PKHD1L1: variants seen among roughly 807,000 people sequenced by gnomAD.
PKHD1L1 encodes fibrocystin-L.
PKHD1L1 carries 434 observed loss-of-function variants against 462.9 expected under a neutral mutation model. The observed-to-expected ratio is 0.94, with a 90% CI of 0.87 to 1.02. PKHD1L1 has a LOEUF of 1.02. Ranked by LOEUF, PKHD1L1 falls within the 50% of genes least tolerant of loss-of-function variation. The pLI, the probability that PKHD1L1 is intolerant of heterozygous loss-of-function variation, is 0.00. For missense variants in PKHD1L1, 5,202 were observed against 5,096.1 expected (o/e 1.02, Z -0.63); for synonymous variants, 1,781 against 1,750.0 (o/e 1.02, Z -0.44).
chr8:109,498,851 G>A, intron 67 of PKHD1L1, 80 bp downstream of exon 67: 8 of 1,222,106 alleles, frequency 6.5e-6, no homozygotes, highest in Non-Finnish European at 5.7e-6. Flanking sequence ...ATGTTTCATT[G>A]TTAGTAAAAA....
intron 62 of PKHD1L1, 30 bp from the exon 63 acceptor site, chr8:109,493,631 C>A: frequency 1.4e-6 from 2 of 1,409,566 alleles, no homozygotes; most frequent in Non-Finnish European, 2.0e-6. Context: ...TAGCCTGATG[C>A]ACAGTATTTT....
Position 109,442,058 on chromosome 8 carries a change from G to A in PKHD1L1, c.4256G>A (p.Gly1419Glu). Residue 1419 changes from glycine (G) to glutamate (E), a missense_variant, in exon 35 of 78, where the codon GGG (glycine) becomes GAG (glutamate). Gly to Glu is a moderately conservative substitution (Grantham distance 98). Transcript: ENST00000378402. ...CCACCAGTCCTAAATGTGTCTGTGG[G>A]GGACACAGTGGCATGGCATTGGCAA... ...WSPPVLNVSVGDTVAWHWQTH... is the reference protein window; with the variant it reads ...WSPPVLNVSVEDTVAWHWQTH... 1 of 1,613,358 alleles carries A rather than the reference G, an allele frequency of 6.2e-7. No individual in the cohort carries two copies. Among genetic ancestry groups the A allele is most frequent in the Non-Finnish European group, 8.5e-7 (1 of 1,179,538 alleles).
At chr8:109,372,738 C>A (rs1037749884) in intron 2 of PKHD1L1, among the ~76,000 whole-genome samples, 4 of 152,066 alleles carry the variant, frequency 2.6e-5, no homozygotes, top group Non-Finnish European at 5.9e-5. Flanking sequence ...TTGTCAAAGG[C>A]CTTTTCTGCA....
In PKHD1L1 at chr8:109,454,799, C is replaced by T. The variant is rs1174174044; in HGVS notation, c.6821C>T (p.Pro2274Leu). Reference sequence around the variant, plus strand: ...GGTCACCTGCGATCTCCTGAGCTCCCTGTCTATGGTGCCAAAACACTGGCT... The same window carrying T: ...GGTCACCTGCGATCTCCTGAGCTCCTTGTCTATGGTGCCAAAACACTGGCT... Reference protein sequence around the residue: ...LHGHLRSPELPVYGAKTLAVR... With the variant: ...LHGHLRSPELLVYGAKTLAVR... Residue 2274 changes from proline (P) to leucine (L), a missense_variant, in exon 45 of 78, where the codon CCT becomes CTT. This residue lies in a region of PKHD1L1 where 4,497 missense variants were observed against 4,336.8 expected (regional missense o/e 1.04). Transcript: ENST00000378402. The T allele has an allele frequency of 6.2e-7, 1 of 1,613,830 alleles. No individual in the cohort carries two copies. The highest frequency in any genetic ancestry group is 8.5e-7 in the Non-Finnish European group (1 of 1,179,800).
chr8:109,522,488 A>C (rs1820601214), intron 74 of PKHD1L1, among the ~76,000 whole-genome samples, 151 bp downstream of exon 74: 3 of 152,212 alleles, frequency 2.0e-5, no homozygotes, highest in Admixed American at 2.0e-4. Context: ...GCTCGCTAAA[A>C]TGATAATAAA....
At chr8:109,457,764 A>G (rs1412040279) in intron 46 of PKHD1L1, among the ~76,000 whole-genome samples, 1 of 152,206 alleles carries the variant, frequency 6.6e-6, no homozygotes, top group Non-Finnish European at 1.5e-5. Context: ...CAACAAAGGA[A>G]GGAAAGATGT....
At position 109,532,693 on chromosome 8, in the gene PKHD1L1, T is replaced by C. The variant is rs552737132; in HGVS notation, c.*2603T>C. 3.5e-4 allele frequency among the ~76,000 whole-genome samples: 54 copies of C among 152,342 alleles called. No individual in the cohort carries two copies. The highest frequency in any genetic ancestry group is 7.1e-4 in the Non-Finnish European group (48 of 68,040). On this transcript the variant is annotated 3_prime_UTR_variant, in exon 78 of 78. Transcript: ENST00000378402. Reference sequence around the variant, plus strand: ...TAAAAAGTTAATAAGAATAGCTTCTTGTATTTCTCATAGTAAGTGAAATGT... The same window carrying C: ...TAAAAAGTTAATAAGAATAGCTTCTCGTATTTCTCATAGTAAGTGAAATGT...
rs1819237284 is a variant in PKHD1L1 at position 109,498,531 on chromosome 8, A to G, written c.10669A>G (p.Ile3557Val). 1 of 1,613,842 alleles carries G rather than the reference A, an allele frequency of 6.2e-7. No homozygotes were observed. The highest frequency in any genetic ancestry group is 8.5e-7 in the Non-Finnish European group (1 of 1,179,704). ...SDVLTNDDPN[I>V]ELTAAHRSPR... Reference sequence around the variant, plus strand: ...TGTCCTAACTAATGATGATCCTAATATTGAACTCACTGCTGCTCATCGGAG... The same window carrying G: ...TGTCCTAACTAATGATGATCCTAATGTTGAACTCACTGCTGCTCATCGGAG... The change falls in exon 66 of 78, where the codon ATT becomes GTT. Residue 3557 changes from isoleucine to valine, a missense_variant. Physicochemically the swap from Ile to Val is conservative, Grantham distance 29. Around this residue, in one of 3 missense-constraint regions of PKHD1L1, gnomAD observed 4,497 missense variants for 4,336.8 expected, o/e 1.04. Transcript: ENST00000378402.
intron 42 of PKHD1L1, 101 bp downstream of exon 42, chr8:109,452,381 A>C (rs1338813070): frequency 3.0e-5 from 33 of 1,106,100 alleles, no homozygotes; most frequent in Non-Finnish European, 4.0e-5. Context: ...GTCTCCAAAA[A>C]AATAACTGAG....
At position 109,500,815 on chromosome 8, in the gene PKHD1L1, A is replaced by T. The variant is rs144003807; in HGVS notation, c.10828+2044A>T. 4.3e-4 allele frequency among the ~76,000 whole-genome samples: 65 copies of T among 152,188 alleles called. No homozygotes were observed. The East Asian group carries it at 0.011, about 26-fold the overall frequency. The stretch of plus-strand genomic sequence containing the variant: ...AGTGCATCCTGCCTTCATTCTATAG[A>T]ATAGGCCTACCTCTGCATGGTGATC... On this transcript the variant is annotated intron_variant, in intron 67 of 77. Coordinates refer to ENST00000378402, the MANE Select transcript of PKHD1L1 (RefSeq NM_177531.6).
intron 68 of PKHD1L1, among the ~76,000 whole-genome samples, chr8:109,506,107 T>C (rs571760187): frequency 4.9e-4 from 75 of 152,268 alleles, no homozygotes; most frequent in African/African-American, 1.8e-3. Flanking sequence ...ATTCAACATA[T>C]AATTTTAGTT....
intron 39 of PKHD1L1, among the ~76,000 whole-genome samples, 168 bp downstream of exon 39, chr8:109,448,559 T>C (rs1213816151): frequency 3.3e-5 from 5 of 151,496 alleles, no homozygotes; most frequent in Non-Finnish European, 7.4e-5. Flanking sequence ...TCGCCCAGGC[T>C]GGAGTGCAGT....
chr8:109,404,674 A>G lies in PKHD1L1; in HGVS notation c.1494A>G (p.Gln498=). ...CAGGAGATGCAGTGAATGAAGAACA[A>G]GTTATCAAATCCCAGTCGACAATCC... The part of the protein sequence containing the change: ...QQTGDAVNEE[Q]VIKSQSTILQ... The change falls in exon 15 of 78, where the codon CAA becomes CAG. Residue 498 remains glutamine, a synonymous_variant. Transcript: ENST00000378402. 1 of 1,608,174 alleles carries G rather than the reference A, an allele frequency of 6.2e-7. No homozygotes were observed. The highest frequency in any genetic ancestry group is 8.5e-7 in the Non-Finnish European group (1 of 1,176,974).
chr8:109,430,826 A>G (rs1286220128), intron 27 of PKHD1L1, among the ~76,000 whole-genome samples: 2 of 152,196 alleles, frequency 1.3e-5, no homozygotes, highest in African/African-American at 2.4e-5. Flanking sequence ...GACTTTTTAA[A>G]ATAGTGATGA....
rs1818194751 is a variant in PKHD1L1, at chr8:109,480,027, T to C, written c.9215T>C (p.Met3072Thr). Residue 3072 changes from methionine to threonine, a missense_variant, in exon 55 of 78, where the codon ATG becomes ACG. Coordinates refer to ENST00000378402, the MANE Select transcript of PKHD1L1 (RefSeq NM_177531.6). The part of the protein sequence containing the change: ...WIVADIDMPS[M>T]ERLIIWGVLE... ...GTAGCTGACATAGATATGCCATCAA[T>C]GGAAAGACTCATTATTTGGGGGGTT... is the stretch of plus-strand genomic sequence containing the variant. 6.3e-7 allele frequency: 1 copy of C among 1,594,310 alleles called. No individual in the cohort carries two copies. Among genetic ancestry groups the C allele is most frequent in the Admixed American group, 1.8e-5 (1 of 55,704 alleles).
At position 109,433,135 on chromosome 8, in the gene PKHD1L1, A is replaced by T. The variant is rs770621644; in HGVS notation, c.3259A>T (p.Ile1087Leu). The T allele has an allele frequency of 2.5e-6, 4 of 1,613,460 alleles. No individual in the cohort carries two copies. The highest frequency in any genetic ancestry group is 3.4e-6 in the Non-Finnish European group (4 of 1,179,518). Residue 1087 changes from isoleucine to leucine, a missense_variant, in exon 28 of 78, where the codon ATA becomes TTA. Around this residue, in one of 3 missense-constraint regions of PKHD1L1, gnomAD observed 4,497 missense variants for 4,336.8 expected, o/e 1.04. Coordinates refer to ENST00000378402, the MANE Select transcript of PKHD1L1 (RefSeq NM_177531.6). The part of the protein sequence containing the change: ...GSYEEGTILT[I>L]VGSGFSPSSA... ...CTATGAAGAAGGCACAATTCTAACC[A>T]TAGTGGGTTCTGGATTTTCTCCTAG...
intron 63 of PKHD1L1, among the ~76,000 whole-genome samples, 182 bp downstream of exon 63, chr8:109,493,933 T>C (rs1039858805): frequency 6.6e-6 from 1 of 151,914 alleles, no homozygotes; most frequent in Non-Finnish European, 1.5e-5. Context: ...TAAATAGGTT[T>C]CTAAGGAAAA....
intron 2 of PKHD1L1, among the ~76,000 whole-genome samples, chr8:109,365,614 A>G (rs1811189483): frequency 6.6e-6 from 1 of 152,192 alleles, no homozygotes; most frequent in Non-Finnish European, 1.5e-5. Flanking sequence ...TGCTGATAAG[A>G]TGGTATGCTT....
intron 46 of PKHD1L1, among the ~76,000 whole-genome samples, chr8:109,457,084 T>C (rs896354194): frequency 2.6e-5 from 4 of 152,150 alleles, no homozygotes; most frequent in African/African-American, 2.4e-5. Flanking sequence ...AGGAGCATTA[T>C]TTTTGCTTTA....
Sources: allele counts gnomAD v4.1 joint callset (sites outside exome capture counted in the v4.1 genomes callset), GRCh38; gene constraint gnomAD v4.1.1; regional missense constraint gnomAD v4.1.1; transcripts MANE v1.5; gene names NCBI Gene and HGNC (gene_info 2026-07-23, HGNC 2026-07-21).